Variants in SLC26A5 observed in about 807,000 individuals in gnomAD.
The protein encoded by SLC26A5 is prestin.
A neutral mutation model predicts 81.0 loss-of-function variants in SLC26A5; 51 were observed. The ratio of observed to expected loss-of-function variants is 0.63; its 90% CI spans 0.50 to 0.80. SLC26A5 has a LOEUF of 0.80. Ranked by LOEUF, SLC26A5 falls within the 30% of genes least tolerant of loss-of-function variation. The pLI is 0.00. For missense variants in SLC26A5, 771 were observed against 905.8 expected, an observed-to-expected ratio of 0.85 and a Z score of 1.91; for synonymous variants, 325 against 332.8, an observed-to-expected ratio of 0.98 and a Z score of 0.25.
At chr7:103,359,196 C>T (rs897514898) in intron 19 of SLC26A5, among the ~76,000 whole-genome samples, 3 of 116,100 alleles carry the variant, frequency 2.6e-5, no homozygotes, top group South Asian at 6.2e-4. Flanking sequence ...CAGGGTCTTG[C>T]CATGTTGCCT....
chr7:103,379,165 A>T (rs913125891), intron 16 of SLC26A5, 78 bp downstream of exon 16: 46 of 940,428 alleles, frequency 4.9e-5, no homozygotes, highest in Non-Finnish European at 7.4e-5. Flanking sequence ...AGTATATACA[A>T]AGGTATACTA....
At chr7:103,372,264 G>T (rs144778436), downstream of SLC26A5, among the ~76,000 whole-genome samples, 2 of 152,298 alleles carry the variant, frequency 1.3e-5, no homozygotes, top group African/African-American at 4.8e-5. Context: ...AAGAGAGTGA[G>T]AAATCTGATA....
At chr7:103,362,828 C>G in intron 19 of SLC26A5, 2 of 1,176,648 alleles carry the variant, frequency 1.7e-6, no homozygotes, top group Non-Finnish European at 2.4e-6. Context: ...CGGAGTTTCA[C>G]TCTTGTCCAG....
At position 103,446,155 on chromosome 7, in the gene SLC26A5, C is replaced by G. The variant is rs940237301; in HGVS notation, c.-240G>C. On this transcript the variant is annotated 5_prime_UTR_variant, in exon 1 of 20. Transcript: ENST00000306312. ...CCGCGCTCCACAGCCGCTGCCTCTT[C>G]GACGCGCGCGCTGCCTCCAGGTGCG... The G allele has an allele frequency of 9.9e-5, 15 of 151,352 alleles. No individual in the cohort carries two copies. Among genetic ancestry groups the G allele is most frequent in the African/African-American group, 3.6e-4 (15 of 41,340 alleles). 9.4% of individuals were successfully genotyped at this position (151,352 alleles called of 1,614,324 possible).
At chr7:103,437,117 T>C (rs1484074888) in intron 2 of SLC26A5, among the ~76,000 whole-genome samples, 2 of 152,104 alleles carry the variant, frequency 1.3e-5, no homozygotes, top group Middle Eastern at 3.2e-3. Context: ...AATTAAAAAA[T>C]GGGCAAAGGA....
At chr7:103,408,863 C>T (rs917939506) in intron 7 of SLC26A5, among the ~76,000 whole-genome samples, 4 of 152,204 alleles carry the variant, frequency 2.6e-5, no homozygotes, top group Admixed American at 6.5e-5. Context: ...ATAAAGTAGA[C>T]TTCCCACTCA....
Position 103,407,962 on chromosome 7 carries a change from C to G in SLC26A5, c.777G>C (p.Val259=), listed in dbSNP as rs754234863. 6.2e-7 allele frequency: 1 copy of G among 1,614,168 alleles called. No individual in the cohort carries two copies. Among genetic ancestry groups the G allele is most frequent in the South Asian group, 1.1e-5 (1 of 91,082 alleles). Reference sequence around the variant, plus strand: ...CCATCAGCCCGACGCCTAGGGAACACACGTTGAGGTTTTTAACATTCTGCA... The same window carrying G: ...CCATCAGCCCGACGCCTAGGGAACAGACGTTGAGGTTTTTAACATTCTGCA... ...AVLQNVKNLN[V]CSLGVGLMVF... Residue 259 remains valine (V), a synonymous_variant, in exon 8 of 20, where the codon GTG becomes GTC. Coordinates refer to ENST00000306312, the MANE Select transcript of SLC26A5 (RefSeq NM_198999.3).
In SLC26A5 at chr7:103,435,529, T is replaced by C. The variant is rs527610779; in HGVS notation, c.-54+7554A>G. 1.1e-4 allele frequency among the ~76,000 whole-genome samples: 16 copies of C among 152,338 alleles called. No individual in the cohort carries two copies. The South Asian group carries it at 1.7e-3, about 16-fold the overall frequency. On this transcript the variant is annotated intron_variant, in intron 2 of 19. Coordinates refer to ENST00000306312, the MANE Select transcript of SLC26A5 (RefSeq NM_198999.3). Reference sequence around the variant, plus strand: ...AGTGGGCTTTGTTGATAGCTAGTTATACTTTGGGTGAAGAGGCAAGAGCTA... The same window carrying C: ...AGTGGGCTTTGTTGATAGCTAGTTACACTTTGGGTGAAGAGGCAAGAGCTA...
intron 1 of SLC26A5, among the ~76,000 whole-genome samples, 162 bp from the exon 2 acceptor site, chr7:103,443,373 T>C (rs1323432924): frequency 1.3e-5 from 2 of 152,210 alleles, no homozygotes; most frequent in Non-Finnish European, 2.9e-5. Flanking sequence ...TTACATGCGA[T>C]AGACTAATTA....
At chr7:103,398,124 T>C (rs1259655986) in intron 8 of SLC26A5, 110 bp from the exon 9 acceptor site, 2 of 865,078 alleles carry the variant, frequency 2.3e-6, no homozygotes, top group South Asian at 1.4e-5. Flanking sequence ...ACTTTTAACA[T>C]TCAGATTTAA....
exon 20 of SLC26A5, chr7:103,352,893 C>A (rs763650961): frequency 1.3e-6 from 1 of 780,920 alleles, no homozygotes; most frequent in Non-Finnish European, 2.4e-6. Context: ...ATTTCCCCTA[C>A]GGTCTCCATC....
At chr7:103,400,688 T>G (rs115694963) in intron 8 of SLC26A5, among the ~76,000 whole-genome samples, 3,409 of 152,322 alleles carry the variant, frequency 0.022, 137 homozygotes, top group African/African-American at 0.077. Flanking sequence ...TCCAGGGTTT[T>G]TACGGTTTTA....
At chr7:103,423,080 G>T (rs1401741755) in intron 2 of SLC26A5, among the ~76,000 whole-genome samples, 2 of 147,146 alleles carry the variant, frequency 1.4e-5, no homozygotes, top group Admixed American at 6.9e-5. Flanking sequence ...TGGCCAACAT[G>T]GAGAAAACCT....
intron 2 of SLC26A5, among the ~76,000 whole-genome samples, chr7:103,442,511 G>C (rs1216697931): frequency 6.6e-6 from 1 of 152,054 alleles, no homozygotes; most frequent in Non-Finnish European, 1.5e-5. Flanking sequence ...TCAAAATCTA[G>C]GGAACACTAA....
intron 2 of SLC26A5, among the ~76,000 whole-genome samples, chr7:103,432,881 A>G (rs975672801): frequency 6.6e-6 from 1 of 152,014 alleles, no homozygotes; most frequent in Admixed American, 6.5e-5. Context: ...GGTCCTGGAC[A>G]TTTTCACTAC....
chr7:103,361,686 C>A (rs1361627193), intron 19 of SLC26A5, among the ~76,000 whole-genome samples: 3 of 152,036 alleles, frequency 2.0e-5, no homozygotes, highest in Non-Finnish European at 4.4e-5. Context: ...TAAAGGAATA[C>A]AAACTATGGA....
At chr7:103,430,635 CAAAT>C (rs1264452109) in intron 2 of SLC26A5, among the ~76,000 whole-genome samples, 2 of 92,566 alleles carry the variant, frequency 2.2e-5, no homozygotes, top group African/African-American at 1.6e-4. Flanking sequence ...AAGTGGCTCT[CAAAT>C]AATGGATAGA....
chr7:103,428,152 C>T (rs1264215370), intron 2 of SLC26A5, among the ~76,000 whole-genome samples: 1 of 151,996 alleles, frequency 6.6e-6, no homozygotes, highest in Admixed American at 6.6e-5. Flanking sequence ...TATGCCTGGC[C>T]CCGTCTAGAG....
chr7:103,392,916 T>G lies in SLC26A5; in HGVS notation c.1119+3A>C. ...ACATGTGCAGGAAACTGATTATCTT[T>G]ACCTGATTGCCGTCAACCTGGTAGC... On this transcript the variant is annotated splice_donor_region_variant and intron_variant, in intron 10 of 19. Coordinates refer to ENST00000306312, the MANE Select transcript of SLC26A5 (RefSeq NM_198999.3). 1.2e-6 allele frequency: 2 copies of G among 1,614,032 alleles called. No homozygotes were observed. Among genetic ancestry groups the G allele is most frequent in the Non-Finnish European group, 1.7e-6 (2 of 1,179,888 alleles).
Sources: gnomAD v4.1 joint callset for allele counts (sites outside exome capture counted in the v4.1 genomes callset) on GRCh38, gnomAD v4.1.1 for gene constraint, MANE v1.5 for transcripts, NCBI Gene and HGNC (gene_info 2026-07-23, HGNC 2026-07-21) for gene names.